SEPTIN9: variants seen among roughly 807,000 people sequenced by gnomAD.
The protein encoded by SEPTIN9 is septin 9.
Under a neutral mutation model 56.6 loss-of-function variants are expected in SEPTIN9, and 13 were observed. The observed-to-expected ratio is 0.23, with a 90% confidence interval of 0.15 to 0.37. The LOEUF (loss-of-function observed/expected upper bound fraction) is 0.37. Ranked by LOEUF, SEPTIN9 falls within the 10% of genes least tolerant of loss-of-function variation. The probability of loss-of-function intolerance (pLI) is 1.00; values close to 1 mark genes in which losing one functional copy is unlikely to be tolerated. For synonymous variants in SEPTIN9, 332 were observed against 334.1 expected (o/e 0.99, Z 0.07); for missense variants, 650 against 823.1 (o/e 0.79, Z 2.57).
At chr17:77,490,615 C>G (rs2039983860) in intron 7 of SEPTIN9, 127 bp from the exon 8 acceptor site, 2 of 742,294 alleles carry the variant, frequency 2.7e-6, no homozygotes, top group African/African-American at 3.4e-5. Flanking sequence ...GGGGCCCTGT[C>G]CTTGCCAGCA....
Position 77,402,669 on chromosome 17 carries a change from C to T in SEPTIN9, c.687C>T (p.Pro229=), listed in dbSNP as rs370602650. The T allele has an allele frequency of 2.8e-4, 455 of 1,607,154 alleles. No individual in the cohort carries two copies. The highest frequency in any genetic ancestry group is 7.8e-4 in the Admixed American group (46 of 59,138). The change falls in exon 3 of 12, where the codon CCC becomes CCT. Residue 229 remains proline, a synonymous_variant. Coordinates refer to ENST00000427177, the MANE Select transcript of SEPTIN9 (RefSeq NM_001113491.2). The surrounding 1 kb of genome is among the most constrained non-coding windows in gnomAD (Gnocchi z 6.6). ...LQSRLEPKPQ[P]PVAEATPRSQ... ...GCAGGCTGGAGCCCAAGCCCCAGCC[C>T]CCTGTGGCTGAGGCTACACCCCGGA... is the stretch of plus-strand genomic sequence containing the variant.
At chr17:77,348,304 T>G (rs531987004) in intron 2 of SEPTIN9, among the ~76,000 whole-genome samples, 2 of 144,308 alleles carry the variant, frequency 1.4e-5, no homozygotes, top group African/African-American at 5.1e-5. Flanking sequence ...GTTTTTTTTT[T>G]TTTTTTTTTT....
intron 2 of SEPTIN9, among the ~76,000 whole-genome samples, chr17:77,355,960 C>T (rs1164647543): frequency 5.4e-5 from 7 of 129,342 alleles, no homozygotes; most frequent in Admixed American, 1.8e-4. Flanking sequence ...CCAGCCTGGG[C>T]GACAGAGCGA....
chr17:77,486,317 T>G (rs985708440), intron 4 of SEPTIN9, among the ~76,000 whole-genome samples: 2 of 151,890 alleles, frequency 1.3e-5, no homozygotes, highest in Non-Finnish European at 2.9e-5. Flanking sequence ...TTGCCCAGGC[T>G]GGTCTTGAAC....
Position 77,466,054 on chromosome 17 carries a change from T to TCACACA in SEPTIN9, c.722-16042_722-16037dup, listed in dbSNP as rs10599395. ...TATAAGTTACCATGTTTCTGGACTGTCACACACACACACACACACACACAC... is the reference window on the plus strand; with the variant it reads ...TATAAGTTACCATGTTTCTGGACTGTCACACACACACACACACACACACACACACAC... On this transcript the variant is annotated intron_variant, in intron 3 of 11. Coordinates refer to ENST00000427177, the MANE Select transcript of SEPTIN9 (RefSeq NM_001113491.2). Among the ~76,000 whole-genome samples, 566 of 127,464 alleles carry TCACACA rather than the reference T, an allele frequency of 4.4e-3. 4 individuals carry two copies. Among genetic ancestry groups the TCACACA allele is most frequent in the African/African-American group, 6.6e-3 (221 of 33,398 alleles). 83.6% of individuals were successfully genotyped at this position (127,464 alleles called of 152,430 possible). A position where few individuals can be genotyped will look rare whatever the true frequency, so the allele number is the denominator to read the frequency against.
At chr17:77,403,955 A>G (rs1459659385) in intron 3 of SEPTIN9, among the ~76,000 whole-genome samples, 4 of 152,068 alleles carry the variant, frequency 2.6e-5, no homozygotes, top group Admixed American at 2.6e-4. Context: ...AGCTGCTGGC[A>G]GCCACCATTC....
At chr17:77,490,639 G>GAGTCTCTCGGGGACA in intron 7 of SEPTIN9, 103 bp from the exon 8 acceptor site, 1 of 903,548 alleles carries the variant, frequency 1.1e-6, no homozygotes, top group Admixed American at 2.0e-5. Flanking sequence ...ACCCCCGTGA[G>GAGTCTCTCGGGGACA]CCCCGAGCCA....
chr17:77,303,127 G>C (rs2032128726), intron 1 of SEPTIN9, among the ~76,000 whole-genome samples: 1 of 151,862 alleles, frequency 6.6e-6, no homozygotes, highest in Admixed American at 6.6e-5. Flanking sequence ...TTGAAACAGA[G>C]TCTTGCTCTG....
At chr17:77,288,223 C>G (rs1447542247) in intron 1 of SEPTIN9, 2 of 1,044,830 alleles carry the variant, frequency 1.9e-6, no homozygotes, top group Admixed American at 1.1e-4. Context: ...GGGTGCATTG[C>G]TCTCTTTCCG....
intron 3 of SEPTIN9, among the ~76,000 whole-genome samples, chr17:77,477,089 C>G (rs2039244546): frequency 6.6e-6 from 1 of 151,568 alleles, no homozygotes; most frequent in Admixed American, 6.6e-5. Flanking sequence ...CTCCTCCCCT[C>G]CCTTTTTTCC....
chr17:77,304,010 A>T (rs1438592779), intron 1 of SEPTIN9, among the ~76,000 whole-genome samples: 1 of 152,202 alleles, frequency 6.6e-6, no homozygotes, highest in South Asian at 2.1e-4. Context: ...CCTTCTGAGT[A>T]TGTTTTATTT....
Position 77,487,472 on chromosome 17 carries a change from C to G in SEPTIN9, c.962C>G (p.Ser321Cys). The change falls in exon 5 of 12, where the codon TCC becomes TGC. Residue 321 changes from serine to cysteine, a missense_variant. Ser to Cys is a moderately radical substitution (Grantham distance 112, BLOSUM62 -1). This residue lies in a region of SEPTIN9 where 333 missense variants were observed against 494.0 expected (regional missense o/e 0.67). Coordinates refer to ENST00000427177, the MANE Select transcript of SEPTIN9 (RefSeq NM_001113491.2). This position sits in a 1 kb window ranked among gnomAD's most constrained non-coding sequence, Gnocchi z 4.3. Reference sequence around the variant, plus strand: ...ACCTTAATCAACACCCTCTTCAAATCCAAAATCAGCCGGAAGTCGGTGCAG... The same window carrying G: ...ACCTTAATCAACACCCTCTTCAAATGCAAAATCAGCCGGAAGTCGGTGCAG... Reference protein sequence around the residue: ...KSTLINTLFKSKISRKSVQPT... With the variant: ...KSTLINTLFKCKISRKSVQPT... 1 of 1,611,972 alleles carries G rather than the reference C, an allele frequency of 6.2e-7. No individual in the cohort carries two copies. The highest frequency in any genetic ancestry group is 8.5e-7 in the Non-Finnish European group (1 of 1,179,244).
chr17:77,363,483 G>A (rs568574927), intron 2 of SEPTIN9, among the ~76,000 whole-genome samples: 80 of 145,010 alleles, frequency 5.5e-4, no homozygotes, highest in Admixed American at 1.9e-3. Context: ...TGCCTCCTGC[G>A]TTCAAGCAAT....
At chr17:77,484,779 T>C (rs1487883667) in intron 4 of SEPTIN9, among the ~76,000 whole-genome samples, 2 of 114,904 alleles carry the variant, frequency 1.7e-5, no homozygotes, top group African/African-American at 8.2e-5. Context: ...GTGGTGGTGG[T>C]GATTGTGATG....
At chr17:77,404,410 T>G (rs1344271340) in intron 3 of SEPTIN9, among the ~76,000 whole-genome samples, 1 of 152,176 alleles carries the variant, frequency 6.6e-6, no homozygotes, top group Admixed American at 6.5e-5. Flanking sequence ...CATGCCTGGC[T>G]AATTTTTAAA....
chr17:77,366,998 T>G (rs1598261472), intron 2 of SEPTIN9, among the ~76,000 whole-genome samples: 1 of 152,308 alleles, frequency 6.6e-6, no homozygotes, highest in South Asian at 2.1e-4. Context: ...CAAAGCAGGC[T>G]GGGGGGATCA....
intron 3 of SEPTIN9, among the ~76,000 whole-genome samples, chr17:77,438,837 A>G (rs546641521): frequency 9.2e-5 from 14 of 152,204 alleles, no homozygotes; most frequent in Non-Finnish European, 1.6e-4. Context: ...AAGAATTAGG[A>G]TAAATTCCCC....
rs980076430 is a variant in SEPTIN9, at chr17:77,451,617, C to T, written c.722-30527C>T. 3 of 930,668 alleles carry T rather than the reference C, an allele frequency of 3.2e-6. No individual in the cohort carries two copies. The highest frequency in any genetic ancestry group is 3.6e-5 in the African/African-American group (2 of 56,166). 57.7% of individuals were successfully genotyped at this position (930,668 alleles called of 1,614,324 possible). A position where few individuals can be genotyped will look rare whatever the true frequency, so the allele number is the denominator to read the frequency against. ...CGGCCGCGAGGCGGACCCTGATGGC[C>T]ATGGTGGCGGTGCCGGGAGCCACGC... is the stretch of plus-strand genomic sequence containing the variant. On this transcript the variant is annotated intron_variant, in intron 3 of 11. Coordinates refer to ENST00000427177, the MANE Select transcript of SEPTIN9 (RefSeq NM_001113491.2). The surrounding 1 kb of genome is among the most constrained non-coding windows in gnomAD (Gnocchi z 4.2).
At chr17:77,386,076 G>A (rs917252288) in intron 2 of SEPTIN9, among the ~76,000 whole-genome samples, 3 of 152,174 alleles carry the variant, frequency 2.0e-5, no homozygotes, top group Admixed American at 1.3e-4. Flanking sequence ...TGTAGATGGC[G>A]CTTGTGACTC....
Sources: gnomAD v4.1 joint callset for allele counts (sites outside exome capture counted in the v4.1 genomes callset) on GRCh38, gnomAD v4.1.1 for gene constraint, gnomAD v4.1.1 regional missense constraint, Gnocchi (gnomAD v3.1) non-coding constraint, MANE v1.5 for transcripts, NCBI Gene and HGNC (gene_info 2026-07-23, HGNC 2026-07-21) for gene names.